The following GRM5 variants were observed in gnomAD, a reference collection of about 807,000 sequenced individuals.
The protein encoded by GRM5 is glutamate metabotropic receptor 5.
Under a neutral mutation model 83.1 loss-of-function variants are expected in GRM5, and 19 were observed. The ratio of observed to expected loss-of-function variants is 0.23; its 90% CI spans 0.16 to 0.34. The LOEUF is 0.34. GRM5 is among the 10% of genes least tolerant of loss of function. The probability of loss-of-function intolerance (pLI) is 1.00; values close to 1 mark genes in which losing one functional copy is unlikely to be tolerated. For missense variants in GRM5, 1,160 were observed against 1,588.3 expected (o/e 0.73, Z 4.58); for synonymous variants, 675 against 633.6 (o/e 1.07, Z -0.98).
intron 4 of GRM5, among the ~76,000 whole-genome samples, chr11:88,618,762 G>T (rs1938554019): frequency 6.6e-6 from 1 of 152,148 alleles, no homozygotes; most frequent in Non-Finnish European, 1.5e-5. Flanking sequence ...TCCAGTAAAT[G>T]GTAGGCATGT....
intron 8 of GRM5, among the ~76,000 whole-genome samples, chr11:88,534,124 G>A (rs928315401): frequency 3.3e-5 from 5 of 152,212 alleles, no homozygotes; most frequent in Non-Finnish European, 4.4e-5. Flanking sequence ...GGCTTTCATG[G>A]AGAACCTCTG....
At chr11:89,003,749 T>C (rs1434157651) in intron 2 of GRM5, among the ~76,000 whole-genome samples, 1 of 152,160 alleles carries the variant, frequency 6.6e-6, no homozygotes, top group Non-Finnish European at 1.5e-5. Flanking sequence ...TGGCCAGAAG[T>C]AAATTGAAGC....
chr11:89,009,664 A>C (rs567230504), intron 2 of GRM5, among the ~76,000 whole-genome samples: 1 of 151,978 alleles, frequency 6.6e-6, no homozygotes, highest in South Asian at 2.1e-4. Context: ...TGGGAGGCCG[A>C]GGCGGGCGGA....
intron 2 of GRM5, among the ~76,000 whole-genome samples, chr11:88,956,018 G>T (rs1261020797): frequency 2.6e-5 from 4 of 152,202 alleles, no homozygotes; most frequent in Non-Finnish European, 4.4e-5. Context: ...AACAGCATTT[G>T]TATTTTGTCT....
rs372163721 is a variant in GRM5 at position 88,716,134 on chromosome 11, G to T, written c.912-62731C>A. On this transcript the variant is annotated intron_variant, in intron 3 of 9. Transcript: ENST00000305447. ...TGAGAGTTTGTAAGGCAGAGATTTTGTTCTGTAAGGTCAAGGGCAGCTTGG... is the reference window on the plus strand; with the variant it reads ...TGAGAGTTTGTAAGGCAGAGATTTTTTTCTGTAAGGTCAAGGGCAGCTTGG... 1.2e-4 allele frequency among the ~76,000 whole-genome samples: 18 copies of T among 152,086 alleles called. No individual in the cohort carries two copies. In the South Asian group the frequency reaches 3.5e-3, roughly 30 times the overall value.
At chr11:88,546,410 T>C (rs1157416967) in intron 8 of GRM5, among the ~76,000 whole-genome samples, 1 of 152,132 alleles carries the variant, frequency 6.6e-6, no homozygotes, top group African/African-American at 2.4e-5. Context: ...AGTTACTGAA[T>C]GTGCTAATGA....
intron 3 of GRM5, among the ~76,000 whole-genome samples, chr11:88,722,965 T>A (rs1941582553): frequency 7.4e-6 from 1 of 134,468 alleles, no homozygotes; most frequent in African/African-American, 3.1e-5. Context: ...CATTATAGCC[T>A]CATACACAAT....
chr11:88,712,365 T>G (rs1047964923), intron 3 of GRM5, among the ~76,000 whole-genome samples: 4 of 152,068 alleles, frequency 2.6e-5, no homozygotes, highest in African/African-American at 7.2e-5. Flanking sequence ...AGAGCCAACA[T>G]TCTCTGCAGT....
At chr11:88,802,451 T>A (rs1238003554) in intron 3 of GRM5, among the ~76,000 whole-genome samples, 2 of 150,444 alleles carry the variant, frequency 1.3e-5, no homozygotes, top group Non-Finnish European at 2.9e-5. Context: ...AGAAAGTCAA[T>A]AGATGCAGAA....
rs72643305 is a variant in GRM5, at chr11:88,666,746, C to A, written c.912-13343G>T. Among the ~76,000 whole-genome samples, 1,310 of 152,316 alleles carry A rather than the reference C, an allele frequency of 8.6e-3. 45 individuals carry two copies. In the East Asian group the frequency reaches 0.12, roughly 14 times the overall value. On this transcript the variant is annotated intron_variant, in intron 3 of 9. Transcript: ENST00000305447. ...AAACTGCTTCAGATCCTCTCACTAT[C>A]AAGCTAGCTTAAAATGGTCTTCCTC...
intron 2 of GRM5, chr11:88,925,718 C>G: frequency 2.2e-6 from 1 of 453,116 alleles, no homozygotes; most frequent in South Asian, 1.5e-5. Context: ...TGAAGACCAG[C>G]CTGGCCAAGA....
chr11:88,750,376 C>A (rs1942243205), intron 3 of GRM5, among the ~76,000 whole-genome samples: 1 of 152,110 alleles, frequency 6.6e-6, no homozygotes, highest in South Asian at 2.1e-4. Context: ...TTCAATTCAA[C>A]AAGAAGAGCT....
chr11:88,804,106 A>G (rs1406702108), intron 3 of GRM5, among the ~76,000 whole-genome samples: 9 of 152,148 alleles, frequency 5.9e-5, no homozygotes, highest in Non-Finnish European at 1.3e-4. Context: ...AACTAGTTCA[A>G]CCCTTGTGGA....
chr11:88,580,018 G>C (rs1481873687), intron 7 of GRM5, among the ~76,000 whole-genome samples: 1 of 152,148 alleles, frequency 6.6e-6, no homozygotes, highest in Non-Finnish European at 1.5e-5. Flanking sequence ...TAGCCAATGG[G>C]ATTTCTTTAC....
intron 3 of GRM5, among the ~76,000 whole-genome samples, chr11:88,758,812 G>C (rs540140907): frequency 6.6e-6 from 1 of 152,224 alleles, no homozygotes; most frequent in East Asian, 1.9e-4. Flanking sequence ...AGGTTAAACT[G>C]GAAGAATAAA....
intron 2 of GRM5, among the ~76,000 whole-genome samples, chr11:88,951,345 A>G (rs183674622): frequency 6.6e-6 from 1 of 152,336 alleles, no homozygotes; most frequent in East Asian, 1.9e-4. Context: ...ATATTGACAA[A>G]TTAGATTTTG....
intron 3 of GRM5, among the ~76,000 whole-genome samples, chr11:88,843,027 T>C (rs1944231281): frequency 6.6e-6 from 1 of 152,194 alleles, no homozygotes; most frequent in African/African-American, 2.4e-5. Flanking sequence ...TGACACTGAA[T>C]AGCCCAGTAG....
intron 9 of GRM5, among the ~76,000 whole-genome samples, chr11:88,513,761 G>C (rs957364406): frequency 6.6e-6 from 1 of 152,016 alleles, no homozygotes; most frequent in Non-Finnish European, 1.5e-5. Context: ...GAAAAGAAAA[G>C]AAATAAACCT....
intron 2 of GRM5, among the ~76,000 whole-genome samples, chr11:88,912,461 C>G (rs1256715544): frequency 7.1e-6 from 1 of 141,120 alleles, no homozygotes; most frequent in African/African-American, 2.7e-5. Flanking sequence ...TTGATTTGCT[C>G]TCTCTTTCTC....
Sources: gnomAD v4.1 joint callset for allele counts (sites outside exome capture counted in the v4.1 genomes callset) on GRCh38, gnomAD v4.1.1 for gene constraint, MANE v1.5 for transcripts, NCBI Gene and HGNC (gene_info 2026-07-23, HGNC 2026-07-21) for gene names.